CDH11: variants seen among roughly 807,000 people sequenced by gnomAD.
CDH11 encodes cadherin-11.
Under a neutral mutation model 67.8 loss-of-function variants are expected in CDH11, and 11 were observed. The ratio of observed to expected loss-of-function variants is 0.16; its 90% confidence interval spans 0.10 to 0.27. CDH11 has a LOEUF of 0.27. Ranked by LOEUF, CDH11 falls within the 10% of genes least tolerant of loss-of-function variation. CDH11 has a pLI of 1.00. For missense variants in CDH11, 847 were observed against 1,031.2 expected (o/e 0.82, Z 2.45); for synonymous variants, 419 against 400.0 (o/e 1.05, Z -0.57).
chr16:65,103,512 C>T (rs969423358), intron 1 of CDH11, among the ~76,000 whole-genome samples: 9 of 152,068 alleles, frequency 5.9e-5, no homozygotes, highest in Admixed American at 3.9e-4. Flanking sequence ...TATATGATGG[C>T]AAGCATGTTA....
intron 1 of CDH11, among the ~76,000 whole-genome samples, chr16:65,068,918 A>G (rs148337291): frequency 3.9e-5 from 6 of 152,322 alleles, no homozygotes; most frequent in African/African-American, 1.4e-4. Context: ...AACAAAAATA[A>G]TTCTAATATT....
intron 2 of CDH11, among the ~76,000 whole-genome samples, chr16:65,008,067 A>C (rs2073098287): frequency 6.6e-6 from 1 of 152,250 alleles, no homozygotes; most frequent in South Asian, 2.1e-4. Context: ...TAAGCCATGA[A>C]GTGTATTAGA....
At chr16:65,040,528 G>A (rs1450481062) in intron 2 of CDH11, among the ~76,000 whole-genome samples, 4 of 151,904 alleles carry the variant, frequency 2.6e-5, no homozygotes, top group Non-Finnish European at 5.9e-5. Context: ...GACACAGGAA[G>A]GGGAACATCA....
chr16:65,021,065 G>A (rs545762491), intron 2 of CDH11, among the ~76,000 whole-genome samples: 12 of 152,118 alleles, frequency 7.9e-5, no homozygotes, highest in African/African-American at 2.6e-4. Flanking sequence ...TGGGAGGTGG[G>A]GACATTTTTA....
intron 2 of CDH11, among the ~76,000 whole-genome samples, chr16:65,031,229 A>C (rs564287992): frequency 2.0e-5 from 3 of 152,234 alleles, no homozygotes; most frequent in Admixed American, 6.5e-5. Flanking sequence ...AAATGCATTC[A>C]CCAAACATAC....
chr16:64,949,751 C>G (rs1379705157), intron 12 of CDH11, among the ~76,000 whole-genome samples: 3 of 152,054 alleles, frequency 2.0e-5, no homozygotes, highest in Non-Finnish European at 4.4e-5. Context: ...CTACTCTGTC[C>G]TCCAACCATC....
chr16:65,014,141 C>G (rs771726634), intron 2 of CDH11, among the ~76,000 whole-genome samples: 1 of 152,138 alleles, frequency 6.6e-6, no homozygotes, highest in Non-Finnish European at 1.5e-5. Context: ...CACGAAGGGG[C>G]TCTAGGAGTC....
At chr16:65,030,678 C>A (rs2073625031) in intron 2 of CDH11, among the ~76,000 whole-genome samples, 1 of 152,286 alleles carries the variant, frequency 6.6e-6, no homozygotes, top group South Asian at 2.1e-4. Context: ...TCAAGTGATT[C>A]TCCTGGCTCA....
intron 11 of CDH11, among the ~76,000 whole-genome samples, chr16:64,964,196 T>C (rs960100339): frequency 1.3e-5 from 2 of 152,202 alleles, no homozygotes; most frequent in African/African-American, 4.8e-5. Context: ...GAGAAATGCA[T>C]TGTTAGGAGA....
intron 8 of CDH11, among the ~76,000 whole-genome samples, chr16:64,976,891 C>A (rs1206680413): frequency 7.3e-6 from 1 of 137,560 alleles, no homozygotes; most frequent in African/African-American, 2.6e-5. Context: ...ACCAACCAAC[C>A]AACAAAAAAG....
chr16:65,036,736 A>T (rs1465972091), intron 2 of CDH11, among the ~76,000 whole-genome samples: 1 of 152,128 alleles, frequency 6.6e-6, no homozygotes, highest in Non-Finnish European at 1.5e-5. Flanking sequence ...AGAGTTCCAG[A>T]GATATTATTA....
chr16:65,043,875 C>A (rs1017238956), intron 2 of CDH11, among the ~76,000 whole-genome samples: 1 of 152,044 alleles, frequency 6.6e-6, no homozygotes, highest in African/African-American at 2.4e-5. Flanking sequence ...CCACATATTA[C>A]GTGTGACTCT....
rs2071181540 is a variant in CDH11 at position 64,945,514 on chromosome 16, T to C, written c.*2089A>G. 1 of 1,033,236 alleles carries C rather than the reference T, an allele frequency of 9.7e-7. No homozygotes were observed. The highest frequency in any genetic ancestry group is 6.1e-5 in the East Asian group (1 of 16,472). 64.0% of individuals were successfully genotyped at this position (1,033,236 alleles called of 1,614,324 possible). On this transcript the variant is annotated 3_prime_UTR_variant, in exon 13 of 13. Coordinates refer to ENST00000268603, the MANE Select transcript of CDH11 (RefSeq NM_001797.4). Reference sequence around the variant, plus strand: ...TGCTATTCATATTCCTTTTGAGTTATTTCTTCATTGCAAATTCAATTGGAG... The same window carrying C: ...TGCTATTCATATTCCTTTTGAGTTACTTCTTCATTGCAAATTCAATTGGAG...
upstream of CDH11, chr16:65,122,262 G>GC: frequency 2.4e-6 from 1 of 415,668 alleles, no homozygotes; most frequent in South Asian, 2.4e-5. Context: ...CCCCGTCCGC[G>GC]CCCCTCCCCC....
intron 2 of CDH11, among the ~76,000 whole-genome samples, chr16:65,028,860 A>G (rs1249267566): frequency 6.6e-6 from 1 of 152,142 alleles, no homozygotes; most frequent in Non-Finnish European, 1.5e-5. Flanking sequence ...TTCCCTTTAC[A>G]TGAGGTATCT....
intron 8 of CDH11, among the ~76,000 whole-genome samples, chr16:64,977,192 C>T (rs1266186608): frequency 6.6e-6 from 1 of 151,968 alleles, no homozygotes; most frequent in African/African-American, 2.4e-5. Flanking sequence ...AGAGTGAGAC[C>T]CTGTCTCAAA....
chr16:65,103,121 C>T lies in CDH11; in HGVS notation c.-298+18759G>A, dbSNP rs185440265. 1.5e-3 allele frequency among the ~76,000 whole-genome samples: 225 copies of T among 152,170 alleles called. 1 individual carries two copies. The highest frequency in any genetic ancestry group is 0.014 in the Middle Eastern group (4 of 294). On this transcript the variant is annotated intron_variant, in intron 1 of 12. Transcript: ENST00000268603. The stretch of plus-strand genomic sequence containing the variant: ...ACCTCCTGGGTGCTCATATTTTTTG[C>T]GTTCCATTGAAACTCTAAACTTCAC...
chr16:64,993,483 A>G (rs983887624), intron 4 of CDH11, among the ~76,000 whole-genome samples: 1 of 152,188 alleles, frequency 6.6e-6, no homozygotes, highest in Non-Finnish European at 1.5e-5. Context: ...AGAACAATAA[A>G]TACATCATTT....
chr16:65,109,506 C>T (rs2075121474), intron 1 of CDH11, among the ~76,000 whole-genome samples: 1 of 152,202 alleles, frequency 6.6e-6, no homozygotes. Context: ...ATTGGGCCAA[C>T]ACAGAGGCTA....
Sources: allele counts gnomAD v4.1 joint callset (sites outside exome capture counted in the v4.1 genomes callset), GRCh38; gene constraint gnomAD v4.1.1; transcripts MANE v1.5; gene names NCBI Gene and HGNC (gene_info 2026-07-23, HGNC 2026-07-21).